The following ZEB1 variants were observed in gnomAD, a reference collection of about 807,000 sequenced individuals.
ZEB1 encodes zinc finger E-box-binding homeobox 1.
ZEB1 carries 21 observed loss-of-function variants against 84.9 expected under a neutral mutation model. The observed-to-expected ratio is 0.25, with a 90% CI of 0.18 to 0.36. ZEB1 has a LOEUF of 0.36. Among genes scored for constraint, ZEB1 ranks in the 10% least tolerant of loss-of-function variants. The pLI, the probability that ZEB1 is intolerant of heterozygous loss-of-function variation, is 1.00. For synonymous variants in ZEB1, 420 were observed against 471.1 expected (o/e 0.89, Z 1.41); for missense variants, 1,104 against 1,330.2 (o/e 0.83, Z 2.65).
chr10:31,524,242 C>T, intron 8 of ZEB1, 129 bp downstream of exon 8: 1 of 1,004,736 alleles, frequency 1.0e-6, no homozygotes, highest in Non-Finnish European at 1.4e-6. Context: ...CAAGGTCTGG[C>T]TCTAGTCACC....
intron 2 of ZEB1, among the ~76,000 whole-genome samples, chr10:31,493,038 A>C (rs1053996341): frequency 2.0e-5 from 3 of 151,944 alleles, no homozygotes; most frequent in Non-Finnish European, 2.9e-5. Flanking sequence ...CAACAAGCAT[A>C]TTGACATTGA....
At chr10:31,458,068 G>A (rs2061438442) in intron 1 of ZEB1, among the ~76,000 whole-genome samples, 1 of 152,078 alleles carries the variant, frequency 6.6e-6, no homozygotes, top group African/African-American at 2.4e-5. Context: ...ATCTAGGCAT[G>A]CAGTTTCACT....
At chr10:31,437,304 G>A (rs948522611) in intron 1 of ZEB1, among the ~76,000 whole-genome samples, 2 of 152,052 alleles carry the variant, frequency 1.3e-5, no homozygotes, top group Admixed American at 6.6e-5. Context: ...CTCAGAGGTG[G>A]AGACTAGATA....
intron 1 of ZEB1, among the ~76,000 whole-genome samples, chr10:31,351,995 ATTCT>A (rs1357449677): frequency 5.3e-5 from 8 of 152,202 alleles, no homozygotes; most frequent in African/African-American, 1.7e-4. Context: ...CTGTATACTA[ATTCT>A]TTATATAGCC....
rs372952303 is a variant in ZEB1 at position 31,343,469 on chromosome 10, T to G, written c.58+24177T>G. Among the ~76,000 whole-genome samples, 39 of 151,988 alleles carry G rather than the reference T, an allele frequency of 2.6e-4. 1 individual carries two copies. The highest frequency in any genetic ancestry group is 8.2e-4 in the African/African-American group (34 of 41,354). ...AGATTTCATTATTTATCATACACAT[T>G]TATTTATTTATTTTTATTTTTTATC... On this transcript the variant is annotated intron_variant, in intron 1 of 8. Transcript: ENST00000424869.
intron 2 of ZEB1, among the ~76,000 whole-genome samples, chr10:31,490,762 G>T (rs1256918009): frequency 6.6e-6 from 1 of 151,590 alleles, no homozygotes; most frequent in Non-Finnish European, 1.5e-5. Context: ...TTATATTCTG[G>T]ATATTTCAAG....
At chr10:31,361,571 G>T (rs1261881396) in intron 1 of ZEB1, among the ~76,000 whole-genome samples, 1 of 152,220 alleles carries the variant, frequency 6.6e-6, no homozygotes, top group African/African-American at 2.4e-5. Flanking sequence ...AGGGGGCCGG[G>T]TGGGGGCACT....
At chr10:31,524,495 C>T (rs540714316) in intron 8 of ZEB1, among the ~76,000 whole-genome samples, 3 of 152,154 alleles carry the variant, frequency 2.0e-5, no homozygotes, top group Non-Finnish European at 2.9e-5. Context: ...AGGCATGAGC[C>T]ACCACGCTTG....
At chr10:31,353,431 G>A (rs894241577) in intron 1 of ZEB1, among the ~76,000 whole-genome samples, 1 of 152,082 alleles carries the variant, frequency 6.6e-6, no homozygotes, top group Admixed American at 6.5e-5. Flanking sequence ...CTGTATATAG[G>A]CTACTCACAA....
intron 2 of ZEB1, among the ~76,000 whole-genome samples, chr10:31,490,834 C>T (rs1044665115): frequency 5.3e-5 from 8 of 151,690 alleles, no homozygotes; most frequent in Admixed American, 1.3e-4. Context: ...TAAATCCTAT[C>T]GAGAATTTTG....
In ZEB1 at chr10:31,520,995, C is replaced by A; in HGVS notation, c.1663C>A (p.Gln555Lys). The change falls in exon 7 of 9, where the codon CAG becomes AAG. Residue 555 changes from glutamine to lysine, a missense_variant. Physicochemically the swap from Gln to Lys is moderately conservative, Grantham distance 53. This residue lies in a region of ZEB1 where 531 missense variants were observed against 575.2 expected (regional missense o/e 0.92). Transcript: ENST00000424869. The surrounding 1 kb of genome is among the most constrained non-coding windows in gnomAD (Gnocchi z 5.1). ...AGAATTAAAGCACTATGACCTAAAGCAGCCTACTCAGCCTCCTCCACTCCC... is the reference window on the plus strand; with the variant it reads ...AGAATTAAAGCACTATGACCTAAAGAAGCCTACTCAGCCTCCTCCACTCCC... ...LPELKHYDLK[Q>K]PTQPPPLPAA... 1 of 1,614,064 alleles carries A rather than the reference C, an allele frequency of 6.2e-7. No individual in the cohort carries two copies. Among genetic ancestry groups the A allele is most frequent in the Non-Finnish European group, 8.5e-7 (1 of 1,179,996 alleles).
rs1451542959 is a variant in ZEB1 at position 31,511,394 on chromosome 10, TCTGAAGA to T, written c.687+522_687+528del. Among the ~76,000 whole-genome samples, 9 of 152,328 alleles carry T rather than the reference TCTGAAGA, an allele frequency of 5.9e-5. No individual in the cohort carries two copies. The East Asian group carries it at 1.7e-3, about 29-fold the overall frequency. On this transcript the variant is annotated intron_variant, in intron 5 of 8. Transcript: ENST00000424869. ...AAATCTAAAGTTTAGATTTTTTTATTCTGAAGACTCAATTTTTATATGGTTTATTCTA... is the reference window on the plus strand; with the variant it reads ...AAATCTAAAGTTTAGATTTTTTTATTCTCAATTTTTATATGGTTTATTCTA...
intron 2 of ZEB1, among the ~76,000 whole-genome samples, chr10:31,480,168 G>A (rs984275213): frequency 3.3e-5 from 5 of 151,898 alleles, no homozygotes; most frequent in Admixed American, 1.3e-4. Flanking sequence ...AGTTAACAGC[G>A]ATTTAAAAAC....
chr10:31,513,073 T>A (rs2070398265), intron 5 of ZEB1, among the ~76,000 whole-genome samples: 1 of 152,168 alleles, frequency 6.6e-6, no homozygotes, highest in Non-Finnish European at 1.5e-5. Flanking sequence ...CAGGAATTTT[T>A]AATTTTTATT....
At chr10:31,378,131 C>G (rs1053205898) in intron 1 of ZEB1, among the ~76,000 whole-genome samples, 1 of 150,982 alleles carries the variant, frequency 6.6e-6, no homozygotes, top group South Asian at 2.1e-4. Context: ...TATGTATACT[C>G]ACGTCTGCTT....
chr10:31,500,921 T>G (rs761521990), intron 3 of ZEB1, among the ~76,000 whole-genome samples: 2 of 152,196 alleles, frequency 1.3e-5, no homozygotes, highest in Non-Finnish European at 2.9e-5. Context: ...TCTTGGTATA[T>G]AGCAAATGCT....
intron 1 of ZEB1, among the ~76,000 whole-genome samples, chr10:31,323,963 T>TTGTGTGTGTGTG (rs1564458960): frequency 3.3e-4 from 37 of 111,732 alleles, no homozygotes; most frequent in African/African-American, 1.2e-3. Flanking sequence ...TCATGGTTCT[T>TTGTGTGTGTGTG]CGTGTGTGTG....
chr10:31,465,880 C>T (rs2062360710), intron 2 of ZEB1, among the ~76,000 whole-genome samples: 2 of 151,962 alleles, frequency 1.3e-5, no homozygotes, highest in South Asian at 4.2e-4. Context: ...AAGCTGCCTA[C>T]AGGAGACTTA....
intron 1 of ZEB1, among the ~76,000 whole-genome samples, chr10:31,332,779 G>C (rs1375247723): frequency 2.6e-5 from 4 of 152,070 alleles, no homozygotes; most frequent in Non-Finnish European, 5.9e-5. Flanking sequence ...TAATTCTCAT[G>C]TAAAAATTAG....
Sources: allele counts gnomAD v4.1 joint callset (sites outside exome capture counted in the v4.1 genomes callset), GRCh38; gene constraint gnomAD v4.1.1; regional missense constraint gnomAD v4.1.1; non-coding constraint Gnocchi (gnomAD v3.1); transcripts MANE v1.5; gene names NCBI Gene and HGNC (gene_info 2026-07-23, HGNC 2026-07-21).